NADK: variants seen among roughly 807,000 people sequenced by gnomAD.
NADK encodes NAD kinase, also known as poly(P)/ATP NAD kinase.
NADK carries 22 observed loss-of-function variants against 49.8 expected under a neutral mutation model. The observed-to-expected ratio is 0.44, with a 90% CI of 0.32 to 0.63. The LOEUF (loss-of-function observed/expected upper bound fraction) is 0.63, where lower values mean the gene tolerates loss of function less well. Ranked by LOEUF, NADK falls within the 30% of genes least tolerant of loss-of-function variation. The probability of loss-of-function intolerance (pLI) is 0.06; values close to 1 mark genes in which losing one functional copy is unlikely to be tolerated. For synonymous variants in NADK, 268 were observed against 253.7 expected (o/e 1.06, Z -0.54); for missense variants, 438 against 609.4 (o/e 0.72, Z 2.96).
chr1:1,762,329 T>G (rs1645751535), intron 2 of NADK, among the ~76,000 whole-genome samples: 2 of 152,150 alleles, frequency 1.3e-5, no homozygotes, highest in South Asian at 4.1e-4. Context: ...CAGCCTGGGA[T>G]CAGAATTCCT....
At chr1:1,756,685 G>A (rs757911244) in intron 4 of NADK, 77 bp from the exon 5 acceptor site, 48 of 1,603,032 alleles carry the variant, frequency 3.0e-5, no homozygotes, top group Non-Finnish European at 3.9e-5. Flanking sequence ...ACTCACGGGC[G>A]CTGTGGTCAG....
chr1:1,759,018 C>T lies in NADK; in HGVS notation c.264-1708G>A, dbSNP rs1413603484. On this transcript the variant is annotated intron_variant, in intron 3 of 11. Coordinates refer to ENST00000341426, the MANE Select transcript of NADK (RefSeq NM_023018.5). ...GGCCCAAGGGCGTGCAGGTGGCTCA[C>T]GGTCCTCCGGCCTGGTCAGCCAGCA... The T allele has an allele frequency of 3.2e-5, 46 of 1,424,400 alleles. No individual in the cohort carries two copies. In the South Asian group the frequency reaches 3.3e-4, roughly 10 times the overall value. 88.2% of individuals were successfully genotyped at this position (1,424,400 alleles called of 1,614,324 possible). A position where few individuals can be genotyped will look rare whatever the true frequency, so the allele number is the denominator to read the frequency against.
chr1:1,772,060 T>C (rs1350634262), intron 1 of NADK, among the ~76,000 whole-genome samples: 9 of 152,170 alleles, frequency 5.9e-5, no homozygotes, highest in Non-Finnish European at 1.5e-5. Context: ...CCTCCCACCT[T>C]GGCCTTCCAA....
At chr1:1,762,371 A>C (rs1475296337) in intron 2 of NADK, among the ~76,000 whole-genome samples, 1 of 152,228 alleles carries the variant, frequency 6.6e-6, no homozygotes, top group Non-Finnish European at 1.5e-5. Flanking sequence ...CTAGATCTGC[A>C]TTTGGGACTC....
chr1:1,780,074 A>G (rs1646325615), upstream of NADK: 1 of 152,234 alleles, frequency 6.6e-6, no homozygotes, highest in Non-Finnish European at 1.5e-5. Context: ...GGATTTCTTA[A>G]GCTCTGTAAC....
At chr1:1,761,884 C>T in intron 3 of NADK, 68 bp downstream of exon 3, 1 of 1,455,916 alleles carries the variant, frequency 6.9e-7, no homozygotes, top group Non-Finnish European at 9.6e-7. Flanking sequence ...TGGCCCCCGG[C>T]ACTCACATGA....
Position 1,754,912 on chromosome 1 carries a change from C to T in NADK, c.689-214G>A. 1.9e-6 allele frequency: 1 copy of T among 517,012 alleles called. No individual in the cohort carries two copies. The highest frequency in any genetic ancestry group is 2.6e-5 in the South Asian group (1 of 38,216). 32.0% of individuals were successfully genotyped at this position (517,012 alleles called of 1,614,324 possible). Reference sequence around the variant, plus strand: ...TCTTGGCTCACTGCAACCTCTGCCTCCCAGGTTCAAGTGATTCTCCTGCCT... The same window carrying T: ...TCTTGGCTCACTGCAACCTCTGCCTTCCAGGTTCAAGTGATTCTCCTGCCT... On this transcript the variant is annotated intron_variant, in intron 7 of 11. Coordinates refer to ENST00000341426, the MANE Select transcript of NADK (RefSeq NM_023018.5). The surrounding 1 kb of genome is among the most constrained non-coding windows in gnomAD (Gnocchi z 4.3).
chr1:1,777,668 T>C (rs1646252029), intron 1 of NADK, among the ~76,000 whole-genome samples: 3 of 151,938 alleles, frequency 2.0e-5, no homozygotes, highest in Admixed American at 2.0e-4. Flanking sequence ...CCACCAGGCC[T>C]TCGGAGCTGG....
chr1:1,766,515 A>G (rs1403996638), intron 1 of NADK, among the ~76,000 whole-genome samples: 1 of 148,270 alleles, frequency 6.7e-6, no homozygotes, highest in East Asian at 2.0e-4. Flanking sequence ...AATTTCAAAT[A>G]CCCTAGTCCA....
At chr1:1,760,951 T>C (rs528567225) in intron 3 of NADK, among the ~76,000 whole-genome samples, 53 of 152,112 alleles carry the variant, frequency 3.5e-4, no homozygotes, top group Admixed American at 1.6e-3. Context: ...CGCCCCAGCC[T>C]CCTTGGCAAC....
intron 6 of NADK, 168 bp downstream of exon 6, chr1:1,756,090 C>T: frequency 1.5e-6 from 1 of 663,070 alleles, no homozygotes; most frequent in South Asian, 1.7e-5. Context: ...CCCCTGGCCC[C>T]ACCGTCGCAC....
Position 1,754,049 on chromosome 1 carries a change from A to AC in NADK, c.1101+1dup. On this transcript the variant is annotated splice_donor_variant, in intron 10 of 11. Coordinates refer to ENST00000341426, the MANE Select transcript of NADK (RefSeq NM_023018.5). LOFTEE classifies it high-confidence loss of function. This position sits in a 1 kb window ranked among gnomAD's most constrained non-coding sequence, Gnocchi z 4.3. The stretch of plus-strand genomic sequence containing the variant: ...CGGAAAAGGAGTGTCGTTGGCTCTG[A>AC]CCTTCAGCTCGACCCCTGCGGGGAC... 6.4e-7 allele frequency: 1 copy of AC among 1,574,404 alleles called. No homozygotes were observed. Among genetic ancestry groups the AC allele is most frequent in the Non-Finnish European group, 8.6e-7 (1 of 1,160,368 alleles).
rs1444560898 is a variant in NADK at position 1,754,685 on chromosome 1, A to C, written c.702T>G (p.Val234=). Residue 234 remains valine (V), a synonymous_variant, in exon 8 of 12, where the codon GTT becomes GTG. Coordinates refer to ENST00000341426, the MANE Select transcript of NADK (RefSeq NM_023018.5). The surrounding 1 kb of genome is among the most constrained non-coding windows in gnomAD (Gnocchi z 4.3). ...VTQVIEGNAA[V]VLRSRLKVRV... is the part of the protein sequence containing the mutation. ...TGACCTTCAGCCGACTCCGGAGAAC[A>C]ACAGCTGCGTTCCCTGAGGTCCAGC... 1 of 1,612,874 alleles carries C rather than the reference A, an allele frequency of 6.2e-7. No homozygotes were observed. The highest frequency in any genetic ancestry group is 1.3e-5 in the African/African-American group (1 of 74,904).
intron 1 of NADK, among the ~76,000 whole-genome samples, chr1:1,765,775 TG>T (rs1645867768): frequency 6.6e-6 from 1 of 151,680 alleles, no homozygotes; most frequent in Non-Finnish European, 1.5e-5. Context: ...AAATTAGCTG[TG>T]GTGGGCGCCT....
At chr1:1,777,778 T>C (rs1198731762) in intron 1 of NADK, among the ~76,000 whole-genome samples, 1 of 152,148 alleles carries the variant, frequency 6.6e-6, no homozygotes, top group East Asian at 1.9e-4. Context: ...TGTAGGAACA[T>C]CACCATAGAC....
chr1:1,757,643 C>T (rs530877247), intron 3 of NADK, among the ~76,000 whole-genome samples: 179 of 152,266 alleles, frequency 1.2e-3, no homozygotes, highest in Non-Finnish European at 1.8e-3. Flanking sequence ...TCCTCAGTGA[C>T]GCTGGTGGGG....
chr1:1,770,554 A>C (rs1331857633), intron 1 of NADK, among the ~76,000 whole-genome samples: 1 of 152,166 alleles, frequency 6.6e-6, no homozygotes, highest in African/African-American at 2.4e-5. Context: ...AACATGGTGA[A>C]ACTCTGTCTC....
chr1:1,772,885 C>CA (rs1238150339), intron 1 of NADK, among the ~76,000 whole-genome samples: 25 of 151,300 alleles, frequency 1.7e-4, no homozygotes, highest in African/African-American at 6.1e-4. Context: ...ACTAAAAATA[C>CA]AAAAAATCAG....
At chr1:1,758,436 A>G (rs756760495) in intron 3 of NADK, 13 of 1,612,284 alleles carry the variant, frequency 8.1e-6, no homozygotes, top group Non-Finnish European at 1.1e-5. Flanking sequence ...CTGCCGGGTC[A>G]CACATGTGGC....
Sources: gnomAD v4.1 joint callset for allele counts (sites outside exome capture counted in the v4.1 genomes callset) on GRCh38, gnomAD v4.1.1 for gene constraint, Gnocchi (gnomAD v3.1) non-coding constraint, MANE v1.5 for transcripts, NCBI Gene and HGNC (gene_info 2026-07-23, HGNC 2026-07-21) for gene names.